Variants in MLLT10 observed in about 807,000 individuals in gnomAD.
MLLT10 encodes MLLT10 histone lysine methyltransferase DOT1L cofactor, also known as protein AF-10.
A neutral mutation model predicts 129.1 loss-of-function variants in MLLT10; 30 were observed. That is an observed-to-expected ratio of 0.23 (90% CI 0.17 to 0.32). MLLT10 has a LOEUF of 0.32. Ranked by LOEUF, MLLT10 falls within the 10% of genes least tolerant of loss-of-function variation. The pLI is 1.00. For synonymous variants in MLLT10, 490 were observed against 446.4 expected (o/e 1.10, Z -1.23); for missense variants, 1,119 against 1,268.3 (o/e 0.88, Z 1.79).
At position 21,733,523 on chromosome 10, in the gene MLLT10, G is replaced by C. The variant is rs1327303635; in HGVS notation, c.2427G>C (p.Leu809Phe). The C allele has an allele frequency of 6.4e-7, 1 of 1,559,116 alleles. No individual in the cohort carries two copies. The highest frequency in any genetic ancestry group is 2.2e-5 in the Admixed American group (1 of 46,120). The change falls in exon 19 of 23, where the codon TTG (leucine) becomes TTC (phenylalanine). Residue 809 changes from leucine to phenylalanine, a missense_variant. Leu to Phe is a conservative substitution (Grantham distance 22, BLOSUM62 0). Transcript: ENST00000307729. ...TTCTAGCTCCTACTACTGATTCCTT[G>C]AACAGCAGTAAGAGCCCTCATATAG... ...SAQTAPTTDS[L>F]NSSKSPHIGN...
At chr10:21,718,717 GTTGT>G (rs548036769) in intron 14 of MLLT10, among the ~76,000 whole-genome samples, 75 of 152,240 alleles carry the variant, frequency 4.9e-4, no homozygotes, top group South Asian at 2.5e-3. Context: ...TGTTTTTGTT[GTTGT>G]TTGTTTGTTT....
intron 3 of MLLT10, among the ~76,000 whole-genome samples, chr10:21,583,784 C>CT (rs1388243677): frequency 6.6e-6 from 1 of 152,198 alleles, no homozygotes; most frequent in East Asian, 1.9e-4. Flanking sequence ...ACCCAAACAC[C>CT]TTTTGCTAGT....
chr10:21,668,805 A>G (rs2051104030), intron 9 of MLLT10: 13 of 585,184 alleles, frequency 2.2e-5, no homozygotes, highest in Non-Finnish European at 2.8e-5. Flanking sequence ...GCGTATTTCC[A>G]TTTGTAGTAC....
intron 3 of MLLT10, among the ~76,000 whole-genome samples, chr10:21,585,712 A>G (rs1217909320): frequency 1.3e-5 from 2 of 152,156 alleles, no homozygotes; most frequent in East Asian, 3.8e-4. Context: ...AAATAATCCC[A>G]GCATCTTTGT....
chr10:21,697,624 A>C (rs2054504356), intron 13 of MLLT10, among the ~76,000 whole-genome samples: 1 of 152,230 alleles, frequency 6.6e-6, no homozygotes, highest in African/African-American at 2.4e-5. Flanking sequence ...AAATAGAGCA[A>C]CCCACCAAAT....
intron 13 of MLLT10, among the ~76,000 whole-genome samples, chr10:21,686,445 C>A (rs904605110): frequency 6.6e-6 from 1 of 152,030 alleles, no homozygotes; most frequent in African/African-American, 2.4e-5. Flanking sequence ...TTTCTCTGAT[C>A]ATATGCAGTT....
intron 13 of MLLT10, among the ~76,000 whole-genome samples, chr10:21,699,675 A>C (rs1200914742): frequency 6.6e-6 from 1 of 151,292 alleles, no homozygotes; most frequent in Non-Finnish European, 1.5e-5. Context: ...GTCAAAAATC[A>C]GTTGGCTGTA....
chr10:21,603,219 ATT>A (rs75168518), intron 5 of MLLT10, among the ~76,000 whole-genome samples: 12 of 128,630 alleles, frequency 9.3e-5, no homozygotes, highest in Admixed American at 1.6e-4. Context: ...TGCTCGGCTA[ATT>A]TTTTTTTTTT....
chr10:21,691,190 A>C (rs1341100475), intron 13 of MLLT10, among the ~76,000 whole-genome samples: 1 of 152,078 alleles, frequency 6.6e-6, no homozygotes, highest in Non-Finnish European at 1.5e-5. Context: ...AATGTATTTC[A>C]CTACTTTGCA....
chr10:21,721,248 T>C (rs2057110083), intron 14 of MLLT10, among the ~76,000 whole-genome samples: 1 of 152,166 alleles, frequency 6.6e-6, no homozygotes, highest in Admixed American at 6.5e-5. Flanking sequence ...ATGATTGAAG[T>C]ATGAAGTTTC....
chr10:21,733,719 C>A (rs558525904), intron 19 of MLLT10, 49 bp from the exon 20 acceptor site: 2 of 1,552,138 alleles, frequency 1.3e-6, no homozygotes, highest in African/African-American at 2.8e-5. Context: ...CTTTCTTACG[C>A]TGGGACTTAA....
chr10:21,667,156 T>G (rs888646221), intron 9 of MLLT10, among the ~76,000 whole-genome samples: 1 of 152,120 alleles, frequency 6.6e-6, no homozygotes, highest in Admixed American at 6.5e-5. Context: ...CTAGATCGAA[T>G]GTTTTCAGGG....
At chr10:21,572,623 T>C (rs1297837155) in intron 3 of MLLT10, among the ~76,000 whole-genome samples, 1 of 152,140 alleles carries the variant, frequency 6.6e-6, no homozygotes, top group Non-Finnish European at 1.5e-5. Flanking sequence ...TTACTTTTTT[T>C]TTTTCCTGTT....
rs574930975 is a variant in MLLT10, at chr10:21,616,892, A to C, written c.604-220A>C. Reference sequence around the variant, plus strand: ...GATCTGTTTTCACACATTTTAATTAATTTACAAAAATATGGCATTAATGTT... The same window carrying C: ...GATCTGTTTTCACACATTTTAATTACTTTACAAAAATATGGCATTAATGTT... On this transcript the variant is annotated intron_variant, in intron 7 of 22. Transcript: ENST00000307729. Among the ~76,000 whole-genome samples, 4 of 152,058 alleles carry C rather than the reference A, an allele frequency of 2.6e-5. No homozygotes were observed. The South Asian group carries it at 8.3e-4, about 32-fold the overall frequency.
intron 8 of MLLT10, among the ~76,000 whole-genome samples, chr10:21,640,204 ATAT>A (rs1000666489): frequency 1.0e-4 from 15 of 142,986 alleles, no homozygotes; most frequent in South Asian, 2.1e-4. Flanking sequence ...TAATATTTAT[ATAT>A]TATATTATAT....
Position 21,732,967 on chromosome 10 carries a change from A to C in MLLT10, c.2287A>C (p.Asn763His). 1 of 1,614,082 alleles carries C rather than the reference A, an allele frequency of 6.2e-7. No individual in the cohort carries two copies. Among genetic ancestry groups the C allele is most frequent in the African/African-American group, 1.3e-5 (1 of 75,054 alleles). Residue 763 changes from asparagine (N) to histidine (H), a missense_variant, in exon 18 of 23, where the codon AAC becomes CAC. This residue lies in a region of MLLT10 where 1,004 missense variants were observed against 1,008.7 expected (regional missense o/e 1.00). Coordinates refer to ENST00000307729, the MANE Select transcript of MLLT10 (RefSeq NM_001195626.3). ...ENRRLEEQIKNLTAKKERLQL... is the reference protein window; with the variant it reads ...ENRRLEEQIKHLTAKKERLQL... ...CCGAAGATTAGAGGAACAAATTAAA[A>C]ACTTGACTGCCAAAAAGGAACGGCT... is the stretch of plus-strand genomic sequence containing the variant.
intron 13 of MLLT10, among the ~76,000 whole-genome samples, chr10:21,709,703 T>G (rs1589756425): frequency 6.6e-6 from 1 of 152,232 alleles, no homozygotes; most frequent in East Asian, 1.9e-4. Flanking sequence ...GCTGTCTCTT[T>G]TCTGGCCCTC....
intron 8 of MLLT10, among the ~76,000 whole-genome samples, chr10:21,637,214 A>C (rs1206913183): frequency 6.6e-6 from 1 of 152,192 alleles, no homozygotes; most frequent in Non-Finnish European, 1.5e-5. Context: ...TGGGGTTCCA[A>C]AGGTAGACAA....
chr10:21,690,005 A>G (rs2053703851), intron 13 of MLLT10, among the ~76,000 whole-genome samples: 1 of 152,002 alleles, frequency 6.6e-6, no homozygotes, highest in Non-Finnish European at 1.5e-5. Flanking sequence ...TTACTAACAC[A>G]ATATTTAGGT....
Sources: gnomAD v4.1 joint callset for allele counts (sites outside exome capture counted in the v4.1 genomes callset) on GRCh38, gnomAD v4.1.1 for gene constraint, gnomAD v4.1.1 regional missense constraint, MANE v1.5 for transcripts, NCBI Gene and HGNC (gene_info 2026-07-23, HGNC 2026-07-21) for gene names.